PIK3C2G: variants seen among roughly 807,000 people sequenced by gnomAD.
PIK3C2G encodes phosphatidylinositol 3-kinase C2 domain-containing subunit gamma.
In PIK3C2G, 168 loss-of-function variants were observed where a neutral mutation model predicts 181.1. The observed-to-expected ratio is 0.93, with a 90% confidence interval of 0.82 to 1.05. The LOEUF is 1.05. Ranked by LOEUF, PIK3C2G falls within the 50% of genes least tolerant of loss-of-function variation. PIK3C2G has a pLI of 0.00. For missense variants in PIK3C2G, 1,869 were observed against 1,732.8 expected, an observed-to-expected ratio of 1.08 and a Z score of -1.40; for synonymous variants, 573 against 592.2, an observed-to-expected ratio of 0.97 and a Z score of 0.47.
At chr12:18,659,579 G>A in the PIK3C2G span, among the ~76,000 whole-genome samples, 5 of 151,420 alleles carry the variant, frequency 3.3e-5, no homozygotes, top group Admixed American at 6.6e-5. Flanking sequence ...ATTTTATAGT[G>A]AAAGGATATC....
At chr12:18,247,522 C>CA (rs1948052563), upstream of PIK3C2G, 1 of 152,118 alleles carries the variant, frequency 6.6e-6, no homozygotes, top group Admixed American at 6.5e-5. Flanking sequence ...CACTGGTGGC[C>CA]AATGCATAGG....
chr12:18,310,248 A>G (rs769180234), intron 5 of PIK3C2G, among the ~76,000 whole-genome samples: 1 of 151,868 alleles, frequency 6.6e-6, no homozygotes, highest in Non-Finnish European at 1.5e-5. Context: ...TTACTTATAG[A>G]TTTGTTTTAT....
intron 18 of PIK3C2G, among the ~76,000 whole-genome samples, chr12:18,430,862 T>C (rs1231625548): frequency 6.6e-6 from 1 of 152,164 alleles, no homozygotes; most frequent in East Asian, 1.9e-4. Context: ...GCCAATGTTG[T>C]CTCTGGTACA....
At chr12:18,370,985 G>A (rs562979045) in intron 12 of PIK3C2G, among the ~76,000 whole-genome samples, 195 bp from the exon 13 acceptor site, 4 of 151,984 alleles carry the variant, frequency 2.6e-5, no homozygotes, top group South Asian at 2.1e-4. Flanking sequence ...AATTTTCATC[G>A]ATTAACAAAA....
the PIK3C2G span, chr12:18,683,176 G>T: frequency 7.4e-7 from 1 of 1,351,938 alleles, no homozygotes; most frequent in Non-Finnish European, 1.1e-6. Flanking sequence ...AAAACATAAA[G>T]ACATTCATTT....
chr12:18,624,979 C>A (rs1949029171), intron 31 of PIK3C2G, among the ~76,000 whole-genome samples: 1 of 151,660 alleles, frequency 6.6e-6, no homozygotes, highest in South Asian at 2.1e-4. Context: ...TTTTTAAAAG[C>A]CAAACTCTGA....
rs371385113 is a variant in PIK3C2G, at chr12:18,346,615, C to T, written c.1430-26C>T. On this transcript the variant is annotated intron_variant, in intron 10 of 32. Transcript: ENST00000538779. ...TGATAAATATGGCCCTTCTTAGTGA[C>T]TTGATCTCTATCTCTTCCTTTCTAG... 8.2e-6 allele frequency: 12 copies of T among 1,458,786 alleles called. No homozygotes were observed. In the African/African-American group the frequency reaches 1.5e-4, roughly 19 times the overall value. The allele number at this position is 1,458,786 out of a possible 1,614,324, so 90.4% of individuals were successfully genotyped here.
At chr12:18,553,880 G>C (rs11832795) in intron 26 of PIK3C2G, among the ~76,000 whole-genome samples, 19,577 of 151,990 alleles carry the variant, frequency 0.13, 3,494 homozygotes, top group African/African-American at 0.41. Context: ...ATTGGTAGTA[G>C]ATTTTCTGAA....
intron 30 of PIK3C2G, among the ~76,000 whole-genome samples, chr12:18,607,479 G>C (rs1194402215): frequency 6.6e-6 from 1 of 152,052 alleles, no homozygotes; most frequent in Non-Finnish European, 1.5e-5. Context: ...AATGGTGCTG[G>C]GAAAACTGGC....
intron 12 of PIK3C2G, among the ~76,000 whole-genome samples, chr12:18,363,690 T>C (rs758492763): frequency 6.6e-6 from 1 of 152,120 alleles, no homozygotes; most frequent in Non-Finnish European, 1.5e-5. Context: ...CTGGCTTTCT[T>C]AGAAGACAGT....
chr12:18,408,397 C>T (rs4332573), intron 16 of PIK3C2G, among the ~76,000 whole-genome samples: 15,467 of 152,046 alleles, frequency 0.1, 1,132 homozygotes, highest in Admixed American at 0.26. Context: ...ATTTCTGAGG[C>T]CTCTGTTCTG....
At chr12:18,263,387 A>C (rs1948335510) in intron 1 of PIK3C2G, among the ~76,000 whole-genome samples, 1 of 152,102 alleles carries the variant, frequency 6.6e-6, no homozygotes, top group Admixed American at 6.5e-5. Flanking sequence ...TGTCCTTATA[A>C]AGGTATAAAT....
intron 5 of PIK3C2G, among the ~76,000 whole-genome samples, chr12:18,304,969 C>G (rs959907719): frequency 9.2e-5 from 14 of 152,178 alleles, no homozygotes; most frequent in African/African-American, 3.1e-4. Flanking sequence ...AGGAACATAT[C>G]ATAACTTTGA....
chr12:18,395,935 A>C (rs1485634588), intron 15 of PIK3C2G, among the ~76,000 whole-genome samples: 1 of 151,402 alleles, frequency 6.6e-6, no homozygotes, highest in Non-Finnish European at 1.5e-5. Context: ...ATGAAAGGAA[A>C]CATAAAAAAG....
intron 30 of PIK3C2G, among the ~76,000 whole-genome samples, chr12:18,600,095 G>GA (rs139836215): frequency 6.6e-6 from 1 of 151,270 alleles, no homozygotes; most frequent in Non-Finnish European, 1.5e-5. Flanking sequence ...ACTTTATCCT[G>GA]AAAAAAAATG....
At chr12:18,322,439 A>C (rs1305030229) in intron 7 of PIK3C2G, among the ~76,000 whole-genome samples, 1 of 151,784 alleles carries the variant, frequency 6.6e-6, no homozygotes, top group Non-Finnish European at 1.5e-5. Context: ...AAGTTTAAAA[A>C]TAAATAAAAA....
intron 18 of PIK3C2G, among the ~76,000 whole-genome samples, chr12:18,451,290 A>C (rs879122907): frequency 1.3e-5 from 2 of 152,156 alleles, no homozygotes; most frequent in African/African-American, 4.8e-5. Flanking sequence ...GAGGTCCTTC[A>C]CATCCCTTGT....
In PIK3C2G at chr12:18,620,989, G is replaced by A. The variant is rs147170787; in HGVS notation, c.4182+11360G>A. Reference sequence around the variant, plus strand: ...ATGCTTATATTTTACCTCTAAATTAGTAAGTTCTTCTTTTTCAATCTGTCT... The same window carrying A: ...ATGCTTATATTTTACCTCTAAATTAATAAGTTCTTCTTTTTCAATCTGTCT... On this transcript the variant is annotated intron_variant, in intron 31 of 32. Transcript: ENST00000538779. Among the ~76,000 whole-genome samples the A allele has an allele frequency of 7.1e-3, 1,082 of 152,098 alleles. 7 individuals are homozygous for A. The highest frequency in any genetic ancestry group is 0.01 in the African/African-American group (416 of 41,540).
chr12:18,506,994 C>T (rs1941877008), intron 24 of PIK3C2G, among the ~76,000 whole-genome samples: 3 of 151,722 alleles, frequency 2.0e-5, no homozygotes, highest in South Asian at 4.2e-4. Context: ...TAAACAGCCT[C>T]GAAAAATTTA....
Sources: allele counts gnomAD v4.1 joint callset (sites outside exome capture counted in the v4.1 genomes callset), GRCh38; gene constraint gnomAD v4.1.1; transcripts MANE v1.5; gene names NCBI Gene and HGNC (gene_info 2026-07-23, HGNC 2026-07-21).